XKR9: variants seen among roughly 807,000 people sequenced by gnomAD.
The protein encoded by XKR9 is XK-related protein 9.
A neutral mutation model predicts 32.0 loss-of-function variants in XKR9; 32 were observed. The observed-to-expected ratio is 1.00, with a 90% confidence interval of 0.76 to 1.34. The LOEUF is 1.34. XKR9 is among the 40% of genes most tolerant of loss of function. The pLI is 0.00. For missense variants in XKR9, 546 were observed against 429.7 expected, an observed-to-expected ratio of 1.27 and a Z score of -2.39; for synonymous variants, 168 against 143.4, an observed-to-expected ratio of 1.17 and a Z score of -1.22.
chr8:70,890,126 G>A, the XKR9 span, among the ~76,000 whole-genome samples: 1 of 151,904 alleles, frequency 6.6e-6, no homozygotes, highest in Non-Finnish European at 1.5e-5. Context: ...TGAGTGATGT[G>A]AGATGGTCTC....
chr8:70,689,379 A>C (rs1224049229), intron 3 of XKR9, among the ~76,000 whole-genome samples: 3 of 151,318 alleles, frequency 2.0e-5, no homozygotes, highest in African/African-American at 7.3e-5. Context: ...ACATACTTTC[A>C]TACCTTGTTC....
the XKR9 span, among the ~76,000 whole-genome samples, chr8:70,925,709 A>T: frequency 6.6e-6 from 1 of 152,218 alleles, no homozygotes; most frequent in Non-Finnish European, 1.5e-5. Context: ...CAACTGCAAG[A>T]ACACGTGGTA....
the XKR9 span, among the ~76,000 whole-genome samples, chr8:70,925,460 C>T: frequency 3.9e-5 from 6 of 152,132 alleles, no homozygotes; most frequent in African/African-American, 1.4e-4. Context: ...TAAAATCAAA[C>T]AATAACTCTA....
chr8:70,835,771 C>A, the XKR9 span, among the ~76,000 whole-genome samples: 5 of 151,980 alleles, frequency 3.3e-5, no homozygotes, highest in African/African-American at 1.2e-4. Context: ...ACTCTCCAAC[C>A]ACTATACATT....
intron 2 of XKR9, among the ~76,000 whole-genome samples, chr8:70,744,694 C>T (rs1039801612): frequency 6.6e-6 from 1 of 152,226 alleles, no homozygotes; most frequent in African/African-American, 2.4e-5. Context: ...CAACCTCCAC[C>T]TCCTGGGTTC....
At chr8:71,057,875 T>C in the XKR9 span, among the ~76,000 whole-genome samples, 14 of 152,188 alleles carry the variant, frequency 9.2e-5, no homozygotes, top group Non-Finnish European at 1.9e-4. Flanking sequence ...TTGGGAGTTA[T>C]ATTTATCACT....
the XKR9 span, among the ~76,000 whole-genome samples, chr8:70,813,436 C>T: frequency 6.6e-6 from 1 of 152,140 alleles, no homozygotes; most frequent in Non-Finnish European, 1.5e-5. Context: ...CCAAAATTGA[C>T]AAACATGATG....
the XKR9 span, among the ~76,000 whole-genome samples, chr8:70,854,808 G>A: frequency 6.6e-6 from 1 of 152,074 alleles, no homozygotes; most frequent in African/African-American, 2.4e-5. Flanking sequence ...TTTTTGTCAG[G>A]TTTGTCAAAG....
the XKR9 span, among the ~76,000 whole-genome samples, chr8:70,972,082 C>T: frequency 1.1e-4 from 17 of 152,096 alleles, no homozygotes; most frequent in African/African-American, 4.1e-4. Flanking sequence ...TGATTCTACT[C>T]AGCCGTGAGC....
At chr8:70,899,270 T>C in the XKR9 span, among the ~76,000 whole-genome samples, 2 of 151,936 alleles carry the variant, frequency 1.3e-5, no homozygotes, top group Non-Finnish European at 2.9e-5. Flanking sequence ...ACTCTCTAAA[T>C]TTATTACTTT....
chr8:70,811,845 C>T, the XKR9 span, among the ~76,000 whole-genome samples: 1 of 151,818 alleles, frequency 6.6e-6, no homozygotes, highest in African/African-American at 2.4e-5. Flanking sequence ...GATTCACAGC[C>T]GAATTCTACC....
the XKR9 span, among the ~76,000 whole-genome samples, chr8:70,951,021 C>T: frequency 2.0e-5 from 3 of 152,266 alleles, no homozygotes; most frequent in South Asian, 2.1e-4. Flanking sequence ...CCGTAGACGT[C>T]GGACTGTGCC....
the XKR9 span, among the ~76,000 whole-genome samples, chr8:70,956,529 A>G: frequency 6.6e-6 from 1 of 151,960 alleles, no homozygotes; most frequent in Non-Finnish European, 1.5e-5. Flanking sequence ...TGAAGGAGAG[A>G]TTTCACTGGG....
rs541677632 is a variant in XKR9 at position 70,699,497 on chromosome 8, G to A, written c.273-7436G>A. Among the ~76,000 whole-genome samples, 6 of 152,274 alleles carry A rather than the reference G, an allele frequency of 3.9e-5. No homozygotes were observed. In the East Asian group the frequency reaches 9.6e-4, roughly 24 times the overall value. On this transcript the variant is annotated intron_variant, in intron 3 of 4. Coordinates refer to ENST00000408926, the MANE Select transcript of XKR9 (RefSeq NM_001011720.2). ...GTTGAAAATTCTTTTCTTTCAGAAT[G>A]TTGAATATTGGCCCCCACTCTCTTC...
the XKR9 span, among the ~76,000 whole-genome samples, chr8:71,008,207 A>G: frequency 1.3e-5 from 2 of 152,174 alleles, no homozygotes; most frequent in Non-Finnish European, 2.9e-5. Flanking sequence ...GTCACCAAAC[A>G]TGTCCTGATG....
At chr8:70,681,459 T>C in intron 3 of XKR9, 129 bp downstream of exon 3, 1 of 1,132,578 alleles carries the variant, frequency 8.8e-7, no homozygotes, top group Non-Finnish European at 1.3e-6. Flanking sequence ...GGTTACTTGC[T>C]CCTCACTATT....
At chr8:70,967,002 T>C in the XKR9 span, among the ~76,000 whole-genome samples, 43 of 151,896 alleles carry the variant, frequency 2.8e-4, no homozygotes, top group African/African-American at 9.2e-4. Context: ...TTATTTTGAG[T>C]GTATGTGTGT....
the XKR9 span, among the ~76,000 whole-genome samples, chr8:70,996,187 G>C: frequency 3.3e-5 from 5 of 152,166 alleles, no homozygotes; most frequent in East Asian, 9.6e-4. Flanking sequence ...ATGCAGAACA[G>C]TACCTAGAAA....
chr8:71,006,983 C>G, the XKR9 span, among the ~76,000 whole-genome samples: 1 of 152,156 alleles, frequency 6.6e-6, no homozygotes, highest in Non-Finnish European at 1.5e-5. Context: ...AATAATGGCT[C>G]TATTCGTTGG....
Sources: gnomAD v4.1 joint callset for allele counts (sites outside exome capture counted in the v4.1 genomes callset) on GRCh38, gnomAD v4.1.1 for gene constraint, MANE v1.5 for transcripts, NCBI Gene and HGNC (gene_info 2026-07-23, HGNC 2026-07-21) for gene names.